Variants in AKAP19 observed in about 807,000 individuals in gnomAD.
The protein encoded by AKAP19 is A-kinase anchoring protein 19.
the AKAP19 span, among the ~76,000 whole-genome samples, chr2:189,939,511 C>T: frequency 6.6e-6 from 1 of 152,118 alleles, no homozygotes; most frequent in African/African-American, 2.4e-5. Flanking sequence ...AATAACCTTC[C>T]ATCCAAAGAC....
chr2:189,977,472 G>C, the AKAP19 span, among the ~76,000 whole-genome samples: 2 of 152,176 alleles, frequency 1.3e-5, no homozygotes, highest in African/African-American at 2.4e-5. Flanking sequence ...CTAGAATAAA[G>C]TCACCTCAGA....
the AKAP19 span, among the ~76,000 whole-genome samples, chr2:189,888,496 A>G: frequency 6.6e-6 from 1 of 152,196 alleles, no homozygotes; most frequent in Non-Finnish European, 1.5e-5. Flanking sequence ...TGGTAGCTTG[A>G]TGGGGATAGC....
the AKAP19 span, among the ~76,000 whole-genome samples, chr2:190,157,365 T>TACACACACACAC: frequency 0.053 from 6,201 of 116,986 alleles, 200 homozygotes; most frequent in Middle Eastern, 0.12. Flanking sequence ...CCTAAACTTG[T>TACACACACACAC]ATACACACAC....
the AKAP19 span, among the ~76,000 whole-genome samples, chr2:190,085,134 G>A: frequency 2.0e-5 from 3 of 152,162 alleles, no homozygotes; most frequent in East Asian, 1.9e-4. Context: ...AGATGCCAGG[G>A]TAGGGAATAT....
the AKAP19 span, among the ~76,000 whole-genome samples, chr2:189,943,926 C>T: frequency 2.6e-5 from 4 of 152,334 alleles, no homozygotes; most frequent in African/African-American, 4.8e-5. Flanking sequence ...CTTATACCTC[C>T]GATTGTATCT....
At chr2:190,047,061 C>T in the AKAP19 span, among the ~76,000 whole-genome samples, 1 of 152,138 alleles carries the variant, frequency 6.6e-6, no homozygotes, top group African/African-American at 2.4e-5. Context: ...TAACATGTTT[C>T]ACTGGCTCCC....
At chr2:189,965,311 C>T in the AKAP19 span, among the ~76,000 whole-genome samples, 3 of 151,976 alleles carry the variant, frequency 2.0e-5, no homozygotes, top group Non-Finnish European at 2.9e-5. Flanking sequence ...TACATATCTC[C>T]ATAAGACATA....
At chr2:190,047,857 A>T in the AKAP19 span, among the ~76,000 whole-genome samples, 3 of 152,080 alleles carry the variant, frequency 2.0e-5, no homozygotes, top group South Asian at 6.2e-4. Context: ...GGATGTGTAA[A>T]TTTTTTCCTC....
the AKAP19 span, among the ~76,000 whole-genome samples, chr2:189,908,335 A>C: frequency 6.6e-6 from 1 of 151,968 alleles, no homozygotes; most frequent in Admixed American, 6.6e-5. Context: ...CTAGGATTAC[A>C]GGCACGTGCC....
the AKAP19 span, among the ~76,000 whole-genome samples, chr2:190,039,421 C>T: frequency 2.6e-5 from 4 of 152,166 alleles, no homozygotes; most frequent in Non-Finnish European, 5.9e-5. Context: ...CTTTTACCAC[C>T]ATTGCTACTG....
At chr2:190,119,624 G>C in the AKAP19 span, among the ~76,000 whole-genome samples, 1 of 152,168 alleles carries the variant, frequency 6.6e-6, no homozygotes, top group African/African-American at 2.4e-5. Flanking sequence ...CAGCTAGGGT[G>C]TAAGAGCCAG....
the AKAP19 span, among the ~76,000 whole-genome samples, chr2:190,037,165 T>C: frequency 6.6e-6 from 1 of 152,292 alleles, no homozygotes; most frequent in South Asian, 2.1e-4. Flanking sequence ...ATCCCCTGGG[T>C]AATCAGACTT....
the AKAP19 span, among the ~76,000 whole-genome samples, chr2:189,938,381 T>A: frequency 6.7e-6 from 1 of 149,808 alleles, no homozygotes; most frequent in Non-Finnish European, 1.5e-5. Context: ...TATACTATGG[T>A]GTACTATTCA....
chr2:189,986,409 AAAG>A, the AKAP19 span, among the ~76,000 whole-genome samples: 1 of 148,804 alleles, frequency 6.7e-6, no homozygotes, highest in South Asian at 2.2e-4. Flanking sequence ...AAAACACAAA[AAAG>A]AAAAACAAAA....
chr2:190,102,331 TAAAA>T, the AKAP19 span, among the ~76,000 whole-genome samples: 1 of 147,754 alleles, frequency 6.8e-6, no homozygotes. Context: ...GAGGAATAAC[TAAAA>T]AAAAAGAGTA....
the AKAP19 span, among the ~76,000 whole-genome samples, chr2:190,054,743 G>C: frequency 2.6e-5 from 4 of 152,124 alleles, no homozygotes; most frequent in Non-Finnish European, 5.9e-5. Flanking sequence ...ATCATCACTG[G>C]CCATCAGAGA....
chr2:190,070,495 G>T, the AKAP19 span, among the ~76,000 whole-genome samples: 2 of 151,054 alleles, frequency 1.3e-5, no homozygotes, highest in South Asian at 4.2e-4. Flanking sequence ...GAACATTCTG[G>T]CCCCTGCTGG....
chr2:190,175,049 TG>T, the AKAP19 span, among the ~76,000 whole-genome samples: 5 of 151,550 alleles, frequency 3.3e-5, no homozygotes, highest in Admixed American at 2.0e-4. Context: ...AATTTGGTGG[TG>T]GGGGTAGGGG....
chr2:189,908,626 G>A, the AKAP19 span, among the ~76,000 whole-genome samples: 1 of 152,080 alleles, frequency 6.6e-6, no homozygotes, highest in Non-Finnish European at 1.5e-5. Context: ...GGTTGTTCAG[G>A]AGCATGTAAT....
Sources: gnomAD v4.1 joint callset for allele counts (sites outside exome capture counted in the v4.1 genomes callset) on GRCh38, gnomAD v4.1.1 for gene constraint, MANE v1.5 for transcripts, NCBI Gene and HGNC (gene_info 2026-07-23, HGNC 2026-07-21) for gene names.